The following CDH10 variants were observed in gnomAD, a reference collection of about 807,000 sequenced individuals.
CDH10 encodes cadherin 10.
In CDH10, 30 loss-of-function variants were observed where a neutral mutation model predicts 73.1. The ratio of observed to expected loss-of-function variants is 0.41; its 90% confidence interval spans 0.31 to 0.56. The LOEUF (loss-of-function observed/expected upper bound fraction) is 0.56. CDH10 is among the 20% of genes least tolerant of loss of function. The probability of loss-of-function intolerance (pLI) is 0.27; values close to 1 mark genes in which losing one functional copy is unlikely to be tolerated. For synonymous variants in CDH10, 345 were observed against 348.2 expected (o/e 0.99, Z 0.10); for missense variants, 815 against 973.7 (o/e 0.84, Z 2.17).
chr5:24,585,980 T>C (rs1228090674), intron 2 of CDH10, among the ~76,000 whole-genome samples: 2 of 152,032 alleles, frequency 1.3e-5, no homozygotes, highest in Non-Finnish European at 2.9e-5. Context: ...TCAAAGAAAA[T>C]TGAAAAAGCT....
intron 1 of CDH10, among the ~76,000 whole-genome samples, chr5:24,601,122 A>G (rs957077233): frequency 6.6e-6 from 1 of 152,132 alleles, no homozygotes; most frequent in African/African-American, 2.4e-5. Flanking sequence ...AATAAATTAA[A>G]TCATTTTCAT....
intron 11 of CDH10, among the ~76,000 whole-genome samples, chr5:24,489,655 G>A (rs1741977833): frequency 1.3e-5 from 2 of 151,938 alleles, no homozygotes; most frequent in Non-Finnish European, 2.9e-5. Context: ...TTTGATTAGG[G>A]TAACAGAAAT....
intron 1 of CDH10, among the ~76,000 whole-genome samples, chr5:24,601,305 T>C (rs1746554935): frequency 6.6e-6 from 1 of 152,198 alleles, no homozygotes. Context: ...TTAAGAGTAA[T>C]GTTATGTGAT....
intron 7 of CDH10, among the ~76,000 whole-genome samples, chr5:24,509,182 T>C (rs1375244730): frequency 6.8e-6 from 1 of 146,018 alleles, no homozygotes; most frequent in Non-Finnish European, 1.5e-5. Flanking sequence ...TCTGTATATG[T>C]ATTTCAACTG....
intron 1 of CDH10, among the ~76,000 whole-genome samples, chr5:24,615,915 T>C (rs1747111108): frequency 6.6e-6 from 1 of 152,176 alleles, no homozygotes; most frequent in South Asian, 2.1e-4. Flanking sequence ...CAATTAGAAG[T>C]TGTGAGCCTG....
chr5:24,506,756 A>AT (rs1318951990), intron 7 of CDH10, among the ~76,000 whole-genome samples: 1 of 152,210 alleles, frequency 6.6e-6, no homozygotes. Context: ...ATTAATTGGC[A>AT]TTTTGGCAAA....
rs1362800287 is a variant in CDH10 at position 24,487,970 on chromosome 5, C to T, written c.2060G>A (p.Arg687Gln). The T allele has an allele frequency of 1.2e-6, 2 of 1,613,838 alleles. No homozygotes were observed. Among genetic ancestry groups the T allele is most frequent in the Non-Finnish European group, 8.5e-7 (1 of 1,179,950 alleles). Residue 687 changes from arginine to glutamine, a missense_variant, in exon 12 of 12, where the codon CGG becomes CAG. Arg to Gln is a conservative substitution (Grantham distance 43). Transcript: ENST00000264463. ...NPAAIEEKKL[R>Q]RDIIPETLFI... ...TAACGTTTCTGGAATAATATCTCGC[C>T]GGAGCTTTTTTTCCTCAATGGCTGC...
At chr5:24,559,617 T>A (rs1363917035) in intron 2 of CDH10, among the ~76,000 whole-genome samples, 1 of 151,984 alleles carries the variant, frequency 6.6e-6, no homozygotes. Flanking sequence ...GTTCTGATAT[T>A]GTGAAATTGT....
intron 2 of CDH10, among the ~76,000 whole-genome samples, chr5:24,558,667 A>C (rs1469133090): frequency 6.7e-6 from 1 of 148,280 alleles, no homozygotes; most frequent in African/African-American, 2.5e-5. Flanking sequence ...CAAGAAATGA[A>C]GATATCTGCA....
At chr5:24,604,884 A>C (rs76141132) in intron 1 of CDH10, among the ~76,000 whole-genome samples, 87,482 of 148,088 alleles carry the variant, frequency 0.59, 29,407 homozygotes, top group Admixed American at 0.74. Context: ...AAAAAAAAAA[A>C]AAAAAAAAAA....
chr5:24,506,954 G>T (rs1252005555), intron 7 of CDH10, among the ~76,000 whole-genome samples: 1 of 152,120 alleles, frequency 6.6e-6, no homozygotes, highest in African/African-American at 2.4e-5. Flanking sequence ...GCATTATCTT[G>T]CAGATACACA....
At chr5:24,526,815 C>A (rs1055636597) in intron 5 of CDH10, among the ~76,000 whole-genome samples, 1 of 151,734 alleles carries the variant, frequency 6.6e-6, no homozygotes, top group African/African-American at 2.4e-5. Context: ...ATAATATATG[C>A]AGCATTTTAT....
At chr5:24,506,506 G>T (rs1742704226) in intron 7 of CDH10, among the ~76,000 whole-genome samples, 1 of 152,128 alleles carries the variant, frequency 6.6e-6, no homozygotes, top group Admixed American at 6.6e-5. Flanking sequence ...TCATAAAGCA[G>T]ATTTTACCAC....
intron 7 of CDH10, among the ~76,000 whole-genome samples, chr5:24,507,227 G>A (rs542274142): frequency 1.2e-4 from 18 of 151,846 alleles, no homozygotes; most frequent in African/African-American, 4.3e-4. Flanking sequence ...TCCAAAGAAT[G>A]ACATCCAAGA....
Position 24,601,565 on chromosome 5 carries a change from C to T in CDH10, c.-123-7952G>A, listed in dbSNP as rs943131660. Among the ~76,000 whole-genome samples the T allele has an allele frequency of 2.6e-5, 4 of 151,960 alleles. No individual in the cohort carries two copies. In the East Asian group the frequency reaches 5.8e-4, roughly 22 times the overall value. ...CAGACCATGAATGTACTTAGACACACAAAATAAGGGTCCAAGAAAAGAATA... is the reference window on the plus strand; with the variant it reads ...CAGACCATGAATGTACTTAGACACATAAAATAAGGGTCCAAGAAAAGAATA... On this transcript the variant is annotated intron_variant, in intron 1 of 11. Transcript: ENST00000264463.
intron 2 of CDH10, among the ~76,000 whole-genome samples, chr5:24,563,316 T>A (rs1451484751): frequency 2.6e-5 from 4 of 151,418 alleles, no homozygotes; most frequent in Non-Finnish European, 5.9e-5. Flanking sequence ...GGTGCTATGT[T>A]CTTTCTGTAT....
intron 1 of CDH10, among the ~76,000 whole-genome samples, chr5:24,626,890 G>A (rs199721885): frequency 1.1e-4 from 4 of 34,814 alleles, no homozygotes; most frequent in Non-Finnish European, 5.5e-4. Context: ...ATATATATGT[G>A]TATATATGTG....
intron 11 of CDH10, among the ~76,000 whole-genome samples, chr5:24,490,555 A>T (rs1742015751): frequency 6.6e-6 from 1 of 152,164 alleles, no homozygotes; most frequent in South Asian, 2.1e-4. Context: ...TTATTTAAAC[A>T]CACAGTGAAA....
intron 2 of CDH10, among the ~76,000 whole-genome samples, chr5:24,566,999 A>G (rs1224505946): frequency 1.3e-5 from 2 of 152,106 alleles, no homozygotes; most frequent in African/African-American, 4.8e-5. Context: ...ATAAAATCCC[A>G]ACTGCCCAAT....
Sources: allele counts gnomAD v4.1 joint callset (sites outside exome capture counted in the v4.1 genomes callset), GRCh38; gene constraint gnomAD v4.1.1; transcripts MANE v1.5; gene names NCBI Gene and HGNC (gene_info 2026-07-23, HGNC 2026-07-21).